PTPRM: variants seen among roughly 807,000 people sequenced by gnomAD.
The protein encoded by PTPRM is receptor-type tyrosine-protein phosphatase mu.
PTPRM carries 47 observed loss-of-function variants against 186.7 expected under a neutral mutation model. The observed-to-expected ratio is 0.25, with a 90% CI of 0.20 to 0.32. The LOEUF is 0.32. PTPRM is among the 10% of genes least tolerant of loss of function. The probability of loss-of-function intolerance (pLI) is 1.00; values close to 1 mark genes in which losing one functional copy is unlikely to be tolerated. For missense variants in PTPRM, 1,494 were observed against 1,865.0 expected (o/e 0.80, Z 3.66); for synonymous variants, 668 against 674.9 (o/e 0.99, Z 0.16).
intron 7 of PTPRM, among the ~76,000 whole-genome samples, chr18:7,959,574 T>G (rs1246446795): frequency 6.6e-6 from 1 of 152,212 alleles, no homozygotes; most frequent in Non-Finnish European, 1.5e-5. Context: ...AGGATTGTAT[T>G]GTAACACACT....
intron 5 of PTPRM, among the ~76,000 whole-genome samples, chr18:7,928,617 A>G (rs893624184): frequency 1.3e-5 from 2 of 152,204 alleles, no homozygotes; most frequent in African/African-American, 4.8e-5. Context: ...TTATTTGTGG[A>G]AAAATACGTT....
chr18:8,057,183 G>A (rs1278512567), intron 7 of PTPRM, among the ~76,000 whole-genome samples: 1 of 151,176 alleles, frequency 6.6e-6, no homozygotes, highest in Non-Finnish European at 1.5e-5. Flanking sequence ...TAGGAAGTAG[G>A]AAGGTGGCAA....
At chr18:7,662,078 G>A (rs1324930283) in intron 1 of PTPRM, among the ~76,000 whole-genome samples, 1 of 151,606 alleles carries the variant, frequency 6.6e-6, no homozygotes, top group South Asian at 2.1e-4. Context: ...CCACCGGTGG[G>A]TGCCACCATG....
chr18:8,192,227 G>A lies in PTPRM; in HGVS notation c.2300+48448G>A, dbSNP rs187998058. 4.8e-4 allele frequency among the ~76,000 whole-genome samples: 73 copies of A among 152,034 alleles called. 2 individuals are homozygous for A. The East Asian group carries it at 0.012, about 25-fold the overall frequency. ...ATAGTACAAAATCATATCAATATTC[G>A]CACACATATTCTAGGCTTTATTCAT... is the stretch of plus-strand genomic sequence containing the variant. On this transcript the variant is annotated intron_variant, in intron 14 of 32. Coordinates refer to ENST00000580170, the MANE Select transcript of PTPRM (RefSeq NM_001105244.2).
intron 7 of PTPRM, among the ~76,000 whole-genome samples, chr18:8,055,187 T>G (rs943542209): frequency 6.6e-6 from 1 of 152,182 alleles, no homozygotes; most frequent in Non-Finnish European, 1.5e-5. Flanking sequence ...TTCTGGAAAT[T>G]TCTCAGACAT....
intron 22 of PTPRM, among the ~76,000 whole-genome samples, chr18:8,322,158 T>A (rs1242539678): frequency 6.6e-6 from 1 of 152,216 alleles, no homozygotes; most frequent in Non-Finnish European, 1.5e-5. Flanking sequence ...ATACAAATGG[T>A]GCAATTTGCT....
chr18:7,746,063 G>T (rs916315716), intron 1 of PTPRM, among the ~76,000 whole-genome samples: 1 of 152,092 alleles, frequency 6.6e-6, no homozygotes, highest in African/African-American at 2.4e-5. Flanking sequence ...AGAATAGGGG[G>T]ATAAAGGCAA....
At chr18:8,392,496 A>G (rs893258176) in intron 31 of PTPRM, among the ~76,000 whole-genome samples, 2 of 151,950 alleles carry the variant, frequency 1.3e-5, no homozygotes, top group Admixed American at 6.6e-5. Flanking sequence ...GCATGGTGGC[A>G]GGTGCCTGTA....
At chr18:8,322,860 C>T (rs1431402168) in intron 22 of PTPRM, among the ~76,000 whole-genome samples, 3 of 152,110 alleles carry the variant, frequency 2.0e-5, no homozygotes, top group African/African-American at 7.2e-5. Flanking sequence ...CACTCTGTCA[C>T]CTAGACTGGA....
At chr18:7,934,136 C>T (rs943606180) in intron 5 of PTPRM, among the ~76,000 whole-genome samples, 8 of 152,042 alleles carry the variant, frequency 5.3e-5, no homozygotes, top group African/African-American at 1.9e-4. Flanking sequence ...AAGGATATTC[C>T]ACTTGAGTTT....
intron 22 of PTPRM, among the ~76,000 whole-genome samples, chr18:8,333,177 T>G (rs568968765): frequency 2.6e-5 from 4 of 152,362 alleles, no homozygotes; most frequent in Non-Finnish European, 4.4e-5. Context: ...GAGCAAATCA[T>G]GTCCCTTATA....
intron 1 of PTPRM, among the ~76,000 whole-genome samples, chr18:7,645,679 T>C (rs2038544507): frequency 6.6e-6 from 1 of 152,186 alleles, no homozygotes; most frequent in African/African-American, 2.4e-5. Context: ...TAATTCAATA[T>C]ATAACACAGA....
intron 22 of PTPRM, among the ~76,000 whole-genome samples, chr18:8,327,994 G>T (rs186277056): frequency 6.6e-6 from 1 of 152,244 alleles, no homozygotes; most frequent in East Asian, 1.9e-4. Context: ...GGGGAGTGAA[G>T]GTTTATAGTG....
chr18:8,232,091 A>G (rs1040205366), intron 14 of PTPRM, among the ~76,000 whole-genome samples: 4 of 152,086 alleles, frequency 2.6e-5, no homozygotes. Context: ...CTTTCCGTTA[A>G]CCTTTGACAA....
intron 14 of PTPRM, among the ~76,000 whole-genome samples, chr18:8,227,324 G>T (rs1189584617): frequency 6.6e-6 from 1 of 152,150 alleles, no homozygotes; most frequent in Non-Finnish European, 1.5e-5. Context: ...ACCTCTTTTA[G>T]TTACTGCTTT....
chr18:8,012,951 TG>T (rs1053025517), intron 7 of PTPRM, among the ~76,000 whole-genome samples: 6 of 152,254 alleles, frequency 3.9e-5, no homozygotes, highest in Middle Eastern at 3.4e-3. Flanking sequence ...TGCTGCCTCT[TG>T]CACTGGGGAG....
At position 7,567,654 on chromosome 18, in the gene PTPRM, C is replaced by T; in HGVS notation, c.-165C>T. The T allele has an allele frequency of 3.6e-6, 2 of 561,944 alleles. No homozygotes were observed. The highest frequency in any genetic ancestry group is 5.9e-6 in the Non-Finnish European group (2 of 341,568). 34.8% of individuals were successfully genotyped at this position (561,944 alleles called of 1,614,324 possible). On this transcript the variant is annotated 5_prime_UTR_variant, in exon 1 of 33. Transcript: ENST00000580170. This position sits in a 1 kb window ranked among gnomAD's most constrained non-coding sequence, Gnocchi z 4.3. ...CCCTGTGCCCGCGCCCCTGGAGCCGCTGGAGTTCGGACTTCTGCAACTGTT... is the reference window on the plus strand; with the variant it reads ...CCCTGTGCCCGCGCCCCTGGAGCCGTTGGAGTTCGGACTTCTGCAACTGTT...
chr18:8,097,161 T>C (rs1029471015), intron 11 of PTPRM, among the ~76,000 whole-genome samples: 16 of 152,248 alleles, frequency 1.1e-4, no homozygotes, highest in Admixed American at 2.6e-4. Context: ...AGTGCTAATA[T>C]GCCTTCTATT....
chr18:7,718,688 T>C (rs1167890831), intron 1 of PTPRM, among the ~76,000 whole-genome samples: 1 of 152,124 alleles, frequency 6.6e-6, no homozygotes, highest in Admixed American at 6.6e-5. Context: ...ATATCCAGAA[T>C]CTACAAGGAA....
Sources: allele counts gnomAD v4.1 joint callset (sites outside exome capture counted in the v4.1 genomes callset), GRCh38; gene constraint gnomAD v4.1.1; non-coding constraint Gnocchi (gnomAD v3.1); transcripts MANE v1.5; gene names NCBI Gene and HGNC (gene_info 2026-07-23, HGNC 2026-07-21).